The following COL9A1 variants were observed in gnomAD, a reference collection of about 807,000 sequenced individuals.
The protein encoded by COL9A1 is collagen type IX alpha 1 chain.
In COL9A1, 104 loss-of-function variants were observed where a neutral mutation model predicts 142.6. That is an observed-to-expected ratio of 0.73 (90% CI 0.62 to 0.86). The LOEUF (loss-of-function observed/expected upper bound fraction) is 0.86, where lower values mean the gene tolerates loss of function less well. Ranked by LOEUF, COL9A1 falls within the 40% of genes least tolerant of loss-of-function variation. The pLI, the probability that COL9A1 is intolerant of heterozygous loss-of-function variation, is 0.00. For missense variants in COL9A1, 1,210 were observed against 1,176.6 expected, an observed-to-expected ratio of 1.03 and a Z score of -0.42; for synonymous variants, 466 against 396.0, an observed-to-expected ratio of 1.18 and a Z score of -2.10.
chr6:70,282,804 C>T lies in COL9A1; in HGVS notation c.801+94G>A, dbSNP rs537875346. On this transcript the variant is annotated intron_variant, in intron 7 of 37. Transcript: ENST00000357250. Reference sequence around the variant, plus strand: ...CGCGGGTCTGAGAGCCCTGGGGATGCTCCGCGCCTTTCTCACAGCTCCCTC... The same window carrying T: ...CGCGGGTCTGAGAGCCCTGGGGATGTTCCGCGCCTTTCTCACAGCTCCCTC... The T allele has an allele frequency of 2.3e-4, 362 of 1,584,570 alleles. 4 individuals are homozygous for T. In the South Asian group the frequency reaches 3.7e-3, roughly 16 times the overall value.
At chr6:70,274,841 T>C in intron 10 of COL9A1, 69 bp from the exon 11 acceptor site, 1 of 1,239,964 alleles carries the variant, frequency 8.1e-7, no homozygotes, top group Non-Finnish European at 1.2e-6. Context: ...GTAGAAAACT[T>C]TCATTTTATT....
chr6:70,224,572 A>G (rs778034176), intron 37 of COL9A1, among the ~76,000 whole-genome samples: 7 of 152,248 alleles, frequency 4.6e-5, no homozygotes, highest in Non-Finnish European at 7.3e-5. Context: ...GCTTTCTCAT[A>G]AATATATAGA....
chr6:70,265,746 A>G (rs1771970440), intron 18 of COL9A1, among the ~76,000 whole-genome samples: 1 of 152,054 alleles, frequency 6.6e-6, no homozygotes, highest in African/African-American at 2.4e-5. Context: ...GTAATAAGAG[A>G]CTTTTAAAAT....
intron 12 of COL9A1, among the ~76,000 whole-genome samples, chr6:70,273,136 G>A (rs1314824643): frequency 6.6e-6 from 1 of 152,252 alleles, no homozygotes; most frequent in Non-Finnish European, 1.5e-5. Flanking sequence ...CACATGGACA[G>A]TATGTTTTAA....
chr6:70,222,195 A>G (rs1046098780), intron 37 of COL9A1, among the ~76,000 whole-genome samples: 1 of 152,216 alleles, frequency 6.6e-6, no homozygotes, highest in Non-Finnish European at 1.5e-5. Flanking sequence ...AACAATAATA[A>G]CAGTTAAATT....
chr6:70,223,560 C>T (rs1051197502), intron 37 of COL9A1, among the ~76,000 whole-genome samples: 49 of 152,210 alleles, frequency 3.2e-4, no homozygotes, highest in African/African-American at 1.2e-3. Flanking sequence ...CCAAAAAGCT[C>T]ATGTCAGGAA....
intron 16 of COL9A1, among the ~76,000 whole-genome samples, 173 bp from the exon 17 acceptor site, chr6:70,269,033 A>C (rs934007420): frequency 2.0e-5 from 3 of 152,212 alleles, no homozygotes; most frequent in Non-Finnish European, 4.4e-5. Context: ...ATTATTTCAC[A>C]TTTAAAGCCA....
At chr6:70,259,513 G>A (rs777191277) in intron 20 of COL9A1, among the ~76,000 whole-genome samples, 1 of 152,058 alleles carries the variant, frequency 6.6e-6, no homozygotes, top group East Asian at 1.9e-4. Flanking sequence ...ACTTCTGAAC[G>A]CATCATGATG....
intron 28 of COL9A1, among the ~76,000 whole-genome samples, chr6:70,243,209 A>C (rs1770376315): frequency 6.6e-6 from 1 of 152,218 alleles, no homozygotes; most frequent in South Asian, 2.1e-4. Flanking sequence ...TACTATTGCA[A>C]CTTCAAAAAG....
At chr6:70,266,575 G>C (rs1374713164) in intron 18 of COL9A1, 142 bp downstream of exon 18, 2 of 756,032 alleles carry the variant, frequency 2.6e-6, no homozygotes, top group Non-Finnish European at 4.7e-6. Flanking sequence ...TGATGCATCT[G>C]CTTAGAACTT....
intron 20 of COL9A1, among the ~76,000 whole-genome samples, chr6:70,257,489 CA>C (rs1771393719): frequency 6.6e-6 from 1 of 152,144 alleles, no homozygotes; most frequent in Admixed American, 6.5e-5. Context: ...GGGTTCTTAA[CA>C]TTTCTATAGA....
At position 70,274,670 on chromosome 6, in the gene COL9A1, A is replaced by T. The variant is rs184961847; in HGVS notation, c.1029+49T>A. 33 of 1,453,808 alleles carry T rather than the reference A, an allele frequency of 2.3e-5. No individual in the cohort carries two copies. The East Asian group carries it at 7.0e-4, about 31-fold the overall frequency. 90.1% of individuals were successfully genotyped at this position (1,453,808 alleles called of 1,614,324 possible). On this transcript the variant is annotated intron_variant, in intron 11 of 37. Transcript: ENST00000357250. ...GGCTTGCAAACACTGCAATAAAATT[A>T]TACTTCAGCATTTTCGTACTAGCAA...
intron 28 of COL9A1, among the ~76,000 whole-genome samples, chr6:70,248,300 C>A (rs1770724685): frequency 6.6e-6 from 1 of 152,196 alleles, no homozygotes; most frequent in Admixed American, 6.5e-5. Context: ...TATGAAACCT[C>A]TGGAGGCACC....
chr6:70,271,109 ACATGGCTCCTTCCCAC>A (rs1184549461), intron 14 of COL9A1, among the ~76,000 whole-genome samples: 1 of 152,264 alleles, frequency 6.6e-6, no homozygotes, highest in Non-Finnish European at 1.5e-5. Context: ...GGTATATGAT[ACATGGCTCCTTCCCAC>A]AGTGAGTTTA....
intron 35 of COL9A1, 33 bp downstream of exon 35, chr6:70,234,506 G>A: frequency 1.2e-6 from 2 of 1,607,310 alleles, no homozygotes; most frequent in Non-Finnish European, 8.5e-7. Flanking sequence ...AGAGTTGATG[G>A]TGGAAAAAGT....
chr6:70,269,605 A>G lies in COL9A1; in HGVS notation c.1230+28T>C, dbSNP rs1277238618. On this transcript the variant is annotated intron_variant, in intron 16 of 37. Coordinates refer to ENST00000357250, the MANE Select transcript of COL9A1 (RefSeq NM_001851.6). Reference sequence around the variant, plus strand: ...GCTATATGGTCTTTGAATTAAAACTATATTTTGTTCAAAGGAAAGCATCTT... The same window carrying G: ...GCTATATGGTCTTTGAATTAAAACTGTATTTTGTTCAAAGGAAAGCATCTT... 6 of 1,508,924 alleles carry G rather than the reference A, an allele frequency of 4.0e-6. No individual in the cohort carries two copies. The Admixed American group carries it at 5.0e-5, about 13-fold the overall frequency. 93.5% of individuals were successfully genotyped at this position (1,508,924 alleles called of 1,614,324 possible).
At chr6:70,254,353 G>T in intron 25 of COL9A1, 123 bp downstream of exon 25, 1 of 806,772 alleles carries the variant, frequency 1.2e-6, no homozygotes. Flanking sequence ...TTGTAAAAAT[G>T]TAAAAGTAAA....
chr6:70,284,607 A>C (rs1773369749), intron 5 of COL9A1, among the ~76,000 whole-genome samples: 1 of 152,214 alleles, frequency 6.6e-6, no homozygotes, highest in African/African-American at 2.4e-5. Context: ...GAGCAAGGAA[A>C]ATGTTGCCAG....
intron 32 of COL9A1, among the ~76,000 whole-genome samples, chr6:70,239,714 C>G (rs1322956160): frequency 6.6e-6 from 1 of 152,150 alleles, no homozygotes; most frequent in Non-Finnish European, 1.5e-5. Context: ...TCTACTAAAC[C>G]AAATATGCCT....
Sources: gnomAD v4.1 joint callset for allele counts (sites outside exome capture counted in the v4.1 genomes callset) on GRCh38, gnomAD v4.1.1 for gene constraint, MANE v1.5 for transcripts, NCBI Gene and HGNC (gene_info 2026-07-23, HGNC 2026-07-21) for gene names.